WDFY4: variants seen among roughly 807,000 people sequenced by gnomAD.
WDFY4 encodes the protein WD repeat- and FYVE domain-containing protein 4.
A neutral mutation model predicts 351.9 loss-of-function variants in WDFY4; 169 were observed. The observed-to-expected ratio is 0.48, with a 90% CI of 0.42 to 0.55. The LOEUF is 0.55. Ranked by LOEUF, WDFY4 falls within the 20% of genes least tolerant of loss-of-function variation. The pLI, the probability that WDFY4 is intolerant of heterozygous loss-of-function variation, is 0.00. For missense variants in WDFY4, 3,803 were observed against 3,935.6 expected, an observed-to-expected ratio of 0.97 and a Z score of 0.90; for synonymous variants, 1,622 against 1,574.6, an observed-to-expected ratio of 1.03 and a Z score of -0.71.
intron 30 of WDFY4, 24 bp from the exon 31 acceptor site, chr10:48,813,933 T>C: frequency 6.6e-7 from 1 of 1,514,054 alleles, no homozygotes; most frequent in Non-Finnish European, 8.9e-7. Flanking sequence ...CAGGTCTGCT[T>C]ACAGCTCCTG....
intron 5 of WDFY4, among the ~76,000 whole-genome samples, chr10:48,724,007 C>T (rs900881321): frequency 1.3e-5 from 2 of 152,130 alleles, no homozygotes; most frequent in Non-Finnish European, 2.9e-5. Context: ...CAGAAGACAT[C>T]TCAGGCCTCT....
chr10:48,877,660 C>G (rs941332002), intron 43 of WDFY4, among the ~76,000 whole-genome samples: 5 of 152,226 alleles, frequency 3.3e-5, no homozygotes, highest in Non-Finnish European at 7.3e-5. Context: ...CTCGGCCTCA[C>G]CTTGGCCACC....
chr10:48,870,307 A>T (rs1472342282), intron 40 of WDFY4, among the ~76,000 whole-genome samples: 2 of 152,206 alleles, frequency 1.3e-5, no homozygotes, highest in East Asian at 3.8e-4. Flanking sequence ...GAGGTTGGGC[A>T]GTAGGATTGT....
At chr10:48,957,015 TA>T in intron 51 of WDFY4, 113 bp from the exon 52 acceptor site, 1 of 1,359,444 alleles carries the variant, frequency 7.4e-7, no homozygotes, top group Non-Finnish European at 9.9e-7. Flanking sequence ...GTGAGGAGAG[TA>T]AATGAGAGGA....
At chr10:48,900,036 A>G (rs1263484636) in intron 45 of WDFY4, among the ~76,000 whole-genome samples, 185 bp from the exon 46 acceptor site, 1 of 152,066 alleles carries the variant, frequency 6.6e-6, no homozygotes, top group Non-Finnish European at 1.5e-5. Flanking sequence ...GCCCTCCCAC[A>G]CATTCTGCAG....
chr10:48,932,657 AGAGG>A (rs1427750054), intron 47 of WDFY4: 1 of 150,392 alleles, frequency 6.6e-6, no homozygotes. Flanking sequence ...AAAAAAAAAA[AGAGG>A]GAGAGAGAGA....
At chr10:48,851,166 T>C (rs2068944497) in intron 39 of WDFY4, among the ~76,000 whole-genome samples, 1 of 152,130 alleles carries the variant, frequency 6.6e-6, no homozygotes, top group Non-Finnish European at 1.5e-5. Flanking sequence ...GCCCCACTAT[T>C]CAAGTCATCC....
At chr10:48,821,983 G>GT (rs1189469432) in intron 34 of WDFY4, among the ~76,000 whole-genome samples, 1 of 152,214 alleles carries the variant, frequency 6.6e-6, no homozygotes, top group Non-Finnish European at 1.5e-5. Context: ...GCTGAGCACA[G>GT]TACCTGCTGT....
At chr10:48,692,054 G>T (rs1257090534) in intron 1 of WDFY4, among the ~76,000 whole-genome samples, 1 of 152,234 alleles carries the variant, frequency 6.6e-6, no homozygotes, top group African/African-American at 2.4e-5. Context: ...AGGATGGGGG[G>T]TGTGAGCCTC....
In WDFY4 at chr10:48,743,015, A is replaced by G; in HGVS notation, c.1926A>G (p.Arg642=). The change falls in exon 12 of 62, where the codon AGA becomes AGG. Residue 642 remains arginine (R), a synonymous_variant. Coordinates refer to ENST00000325239, the MANE Select transcript of WDFY4 (RefSeq NM_001394531.1). ...LVTPKGRAAF[R]VSSGFNGLLS... ...CCCCCAAGGGTCGTGCTGCCTTCAG[A>G]GTCTCCAGCGGGTTCAACGGGCTGC... 1 of 1,551,282 alleles carries G rather than the reference A, an allele frequency of 6.4e-7. No individual in the cohort carries two copies. The highest frequency in any genetic ancestry group is 8.7e-7 in the Non-Finnish European group (1 of 1,146,962).
intron 47 of WDFY4, among the ~76,000 whole-genome samples, chr10:48,929,905 C>G (rs1485866160): frequency 1.3e-5 from 2 of 152,070 alleles, no homozygotes; most frequent in Non-Finnish European, 2.9e-5. Context: ...ACTGACCTTC[C>G]CCCACACACT....
At chr10:48,891,102 C>T (rs1589821097) in intron 44 of WDFY4, among the ~76,000 whole-genome samples, 1 of 152,254 alleles carries the variant, frequency 6.6e-6, no homozygotes, top group Non-Finnish European at 1.5e-5. Context: ...TTCCGAGGGA[C>T]TTAATGCAAT....
chr10:48,973,722 A>C (rs1842431020), intron 57 of WDFY4, among the ~76,000 whole-genome samples: 1 of 152,202 alleles, frequency 6.6e-6, no homozygotes. Context: ...GCAGTTGGCC[A>C]GGGGGTACCA....
In WDFY4 at chr10:48,900,315, T is replaced by G; in HGVS notation, c.7523+9T>G. On this transcript the variant is annotated intron_variant, in intron 46 of 61. Transcript: ENST00000325239. ...AGTAAGGCCTTTAAAAGGTAAGAGC[T>G]TGAAAATCCTCCTTCTGAGGAAACT... 1 of 1,548,720 alleles carries G rather than the reference T, an allele frequency of 6.5e-7. No homozygotes were observed. Among genetic ancestry groups the G allele is most frequent in the African/African-American group, 1.4e-5 (1 of 72,824 alleles).
At chr10:48,813,144 C>T (rs184213624) in intron 30 of WDFY4, among the ~76,000 whole-genome samples, 138 of 152,296 alleles carry the variant, frequency 9.1e-4, no homozygotes, top group African/African-American at 3.1e-3. Flanking sequence ...AACTTAGAAA[C>T]TATTTCTTGG....
At chr10:48,913,428 G>T in intron 47 of WDFY4, 1 of 1,612,978 alleles carries the variant, frequency 6.2e-7, no homozygotes, top group Non-Finnish European at 8.5e-7. Context: ...CATGGAATTG[G>T]GTGAGATCAG....
intron 4 of WDFY4, among the ~76,000 whole-genome samples, chr10:48,722,638 G>C (rs550622734): frequency 4.8e-4 from 73 of 152,266 alleles, no homozygotes; most frequent in African/African-American, 1.7e-3. Flanking sequence ...TGACCCCAAA[G>C]GTGTTCACAT....
intron 24 of WDFY4, among the ~76,000 whole-genome samples, chr10:48,796,768 A>C (rs1407531716): frequency 6.6e-6 from 1 of 152,126 alleles, no homozygotes; most frequent in Non-Finnish European, 1.5e-5. Flanking sequence ...TTAAACTATA[A>C]ATTGGCATAT....
intron 47 of WDFY4, among the ~76,000 whole-genome samples, chr10:48,911,627 CA>C (rs778348184): frequency 1.3e-4 from 20 of 152,066 alleles, no homozygotes; most frequent in East Asian, 9.6e-4. Context: ...GGTTTCAAAG[CA>C]GGACAGAAAT....
Sources: allele counts gnomAD v4.1 joint callset (sites outside exome capture counted in the v4.1 genomes callset), GRCh38; gene constraint gnomAD v4.1.1; transcripts MANE v1.5; gene names NCBI Gene and HGNC (gene_info 2026-07-23, HGNC 2026-07-21).